Variants in SGCD observed in about 807,000 individuals in gnomAD.
The protein encoded by SGCD is sarcoglycan delta.
SGCD carries 18 observed loss-of-function variants against 36.6 expected under a neutral mutation model. The observed-to-expected ratio is 0.49, with a 90% confidence interval of 0.34 to 0.73. The LOEUF (loss-of-function observed/expected upper bound fraction) is 0.73. Ranked by LOEUF, SGCD falls within the 30% of genes least tolerant of loss-of-function variation. The pLI, the probability that SGCD is intolerant of heterozygous loss-of-function variation, is 0.01. For missense variants in SGCD, 387 were observed against 346.7 expected (o/e 1.12, Z -0.92); for synonymous variants, 133 against 130.6 (o/e 1.02, Z -0.12).
At chr5:156,687,523 CG>C (rs1753948388) in intron 7 of SGCD, among the ~76,000 whole-genome samples, 1 of 152,138 alleles carries the variant, frequency 6.6e-6, no homozygotes, top group African/African-American at 2.4e-5. Context: ...GAATAGCTAT[CG>C]GAGACTCTCT....
chr5:156,608,302 C>T (rs1247205783), intron 6 of SGCD, among the ~76,000 whole-genome samples: 1 of 152,148 alleles, frequency 6.6e-6, no homozygotes, highest in Non-Finnish European at 1.5e-5. Flanking sequence ...TCGTTATGTA[C>T]CCAGTAGTCA....
intron 3 of SGCD, among the ~76,000 whole-genome samples, chr5:156,269,505 A>AAAAAAAAAAAAAACAAAAC (rs1189540837): frequency 2.3e-5 from 2 of 86,174 alleles, no homozygotes; most frequent in African/African-American, 1.0e-4. Context: ...AAAAAAAAAA[A>AAAAAAAAAAAAAACAAAAC]AAAAACCATC....
intron 3 of SGCD, among the ~76,000 whole-genome samples, chr5:156,411,155 T>C (rs879667184): frequency 8.5e-5 from 13 of 152,212 alleles, no homozygotes; most frequent in Admixed American, 3.9e-4. Flanking sequence ...TAAACTCTTA[T>C]TGGTGATTTT....
chr5:156,194,626 G>T (rs140491357), intron 3 of SGCD, among the ~76,000 whole-genome samples: 1 of 151,930 alleles, frequency 6.6e-6, no homozygotes, highest in African/African-American at 2.4e-5. Context: ...AATTTGAATT[G>T]ATTAATATAA....
chr5:155,993,513 T>TTTTGTA (rs1561675743), intron 1 of SGCD, among the ~76,000 whole-genome samples: 1 of 151,806 alleles, frequency 6.6e-6, no homozygotes, highest in Non-Finnish European at 1.5e-5. Flanking sequence ...CCAGCTAATT[T>TTTTGTA]TTTGTATTTT....
At chr5:156,194,354 G>A (rs533843806) in intron 3 of SGCD, among the ~76,000 whole-genome samples, 4 of 152,116 alleles carry the variant, frequency 2.6e-5, no homozygotes, top group Admixed American at 2.6e-4. Context: ...TCATCAGCCT[G>A]AGCGACAGAG....
chr5:156,131,899 C>T (rs28481816), intron 3 of SGCD, among the ~76,000 whole-genome samples: 3,057 of 152,152 alleles, frequency 0.02, 45 homozygotes, highest in Non-Finnish European at 0.034. Context: ...GTATTACTGT[C>T]GTATTATTTT....
chr5:156,191,444 A>C (rs1763892219), intron 3 of SGCD, among the ~76,000 whole-genome samples: 1 of 152,140 alleles, frequency 6.6e-6, no homozygotes, highest in South Asian at 2.1e-4. Flanking sequence ...AGTTTCTAGG[A>C]TGACTCTAAG....
chr5:155,991,637 G>A (rs1465198643), intron 1 of SGCD, among the ~76,000 whole-genome samples: 2 of 152,194 alleles, frequency 1.3e-5, no homozygotes, highest in Non-Finnish European at 2.9e-5. Flanking sequence ...ATTATTTCTT[G>A]CAGGTGATGC....
intron 3 of SGCD, among the ~76,000 whole-genome samples, chr5:156,248,765 G>T (rs1052170693): frequency 6.6e-6 from 1 of 152,202 alleles, no homozygotes; most frequent in Middle Eastern, 3.2e-3. Context: ...GGCAATGCAA[G>T]TTCCTGAGCA....
At chr5:155,786,660 C>G in the SGCD span, among the ~76,000 whole-genome samples, 7 of 152,150 alleles carry the variant, frequency 4.6e-5, no homozygotes, top group Non-Finnish European at 8.8e-5. Flanking sequence ...GCTTCTCTTA[C>G]TGTCATCTTC....
At chr5:156,628,949 G>A (rs368984352) in intron 6 of SGCD, among the ~76,000 whole-genome samples, 2 of 152,164 alleles carry the variant, frequency 1.3e-5, no homozygotes, top group African/African-American at 2.4e-5. Flanking sequence ...TGCATTCCTA[G>A]ATAGTCACTG....
chr5:155,746,650 C>T, the SGCD span, among the ~76,000 whole-genome samples: 1 of 152,116 alleles, frequency 6.6e-6, no homozygotes, highest in African/African-American at 2.4e-5. Context: ...TCTCTGCCAT[C>T]TGCCCACCTA....
At chr5:156,433,712 G>T (rs1250128221) in intron 3 of SGCD, among the ~76,000 whole-genome samples, 1 of 152,186 alleles carries the variant, frequency 6.6e-6, no homozygotes, top group East Asian at 1.9e-4. Flanking sequence ...AGGGCAGAAA[G>T]CTGACAGCAC....
At chr5:155,844,421 TTG>T in the SGCD span, among the ~76,000 whole-genome samples, 42,254 of 144,362 alleles carry the variant, frequency 0.29, 7,439 homozygotes, top group East Asian at 0.54. Flanking sequence ...TGCTAAGGCT[TTG>T]TGTGTGTGTG....
intron 6 of SGCD, among the ~76,000 whole-genome samples, chr5:156,618,643 T>C (rs1001698168): frequency 6.7e-6 from 1 of 149,242 alleles, no homozygotes; most frequent in Non-Finnish European, 1.5e-5. Flanking sequence ...GTGATTTCAC[T>C]GCCTAGTAGC....
chr5:156,497,998 C>T (rs1756272281), intron 3 of SGCD, among the ~76,000 whole-genome samples: 1 of 152,138 alleles, frequency 6.6e-6, no homozygotes, highest in South Asian at 2.1e-4. Context: ...TCTTATTCAG[C>T]TCTGGCTTGC....
At chr5:156,110,551 T>G (rs996927838) in intron 1 of SGCD, among the ~76,000 whole-genome samples, 8 of 152,122 alleles carry the variant, frequency 5.3e-5, no homozygotes, top group African/African-American at 1.9e-4. Context: ...GACTGTATAG[T>G]GTTGGACTTG....
intron 4 of SGCD, among the ~76,000 whole-genome samples, chr5:156,569,929 A>T (rs143987102): frequency 1.9e-3 from 296 of 152,322 alleles, no homozygotes; most frequent in African/African-American, 6.8e-3. Flanking sequence ...AGACCGGATC[A>T]TGTAGGATCT....
Sources: allele counts gnomAD v4.1 joint callset (sites outside exome capture counted in the v4.1 genomes callset), GRCh38; gene constraint gnomAD v4.1.1; transcripts MANE v1.5; gene names NCBI Gene and HGNC (gene_info 2026-07-23, HGNC 2026-07-21).